The following CLCN4 variants were observed in gnomAD, a reference collection of about 807,000 sequenced individuals.
CLCN4 encodes H(+)/Cl(-) exchange transporter 4.
Under a neutral mutation model 41.7 loss-of-function variants are expected in CLCN4, and 1 was observed. The observed-to-expected ratio is 0.02, with a 90% confidence interval of 0.01 to 0.11. The LOEUF (loss-of-function observed/expected upper bound fraction) is 0.11, where lower values mean the gene tolerates loss of function less well. Ranked by LOEUF, CLCN4 falls within the 10% of genes least tolerant of loss-of-function variation. The pLI is 1.00. For missense variants in CLCN4, 287 were observed against 661.0 expected (o/e 0.43, Z 6.20); for synonymous variants, 277 against 285.8 (o/e 0.97, Z 0.31).
chrX:10,190,201 T>A (rs1179239921), intron 4 of CLCN4, among the ~76,000 whole-genome samples: 1 of 111,320 alleles, frequency 9.0e-6, no homozygotes, highest in African/African-American at 3.3e-5. Context: ...ATTGTATATT[T>A]CAAAATTGCT....
intron 12 of CLCN4, among the ~76,000 whole-genome samples, chrX:10,228,498 A>C (rs5979283): frequency 0.39 from 42,878 of 109,629 alleles, 6,544 homozygotes; most frequent in East Asian, 0.9. Flanking sequence ...CCTGGGCGTG[A>C]TGGGAAGATA....
At position 10,231,473 on chromosome X, in the gene CLCN4, T is replaced by TA. The variant is rs766944215; in HGVS notation, c.2193-2021_2193-2020insA. Among the ~76,000 whole-genome samples, 8 of 111,871 alleles carry TA rather than the reference T, an allele frequency of 7.2e-5. No homozygotes were observed. The South Asian group carries it at 2.7e-3, about 37-fold the overall frequency. On this transcript the variant is annotated intron_variant, in intron 12 of 12. Coordinates refer to ENST00000380833, the MANE Select transcript of CLCN4 (RefSeq NM_001830.4). ...ATTCTTTTGCCTTTTTAGTCTCTTG[T>TA]CTAGAACAGTTTCCTGCCTTGTTGT... is the stretch of plus-strand genomic sequence containing the variant.
At chrX:10,201,782 G>A (rs1924243430) in intron 6 of CLCN4, among the ~76,000 whole-genome samples, 1 of 112,029 alleles carries the variant, frequency 8.9e-6, no homozygotes, top group Non-Finnish European at 1.9e-5. Flanking sequence ...TGATTACTTA[G>A]AGTGAAAAAT....
intron 2 of CLCN4, among the ~76,000 whole-genome samples, chrX:10,167,321 G>A (rs972935214): frequency 8.1e-5 from 9 of 111,617 alleles, no homozygotes; most frequent in African/African-American, 2.9e-4. Flanking sequence ...TCATCCTAAA[G>A]GTGCCCGCAT....
intron 12 of CLCN4, among the ~76,000 whole-genome samples, chrX:10,223,848 G>A (rs945306721): frequency 8.9e-6 from 1 of 112,186 alleles, no homozygotes; most frequent in African/African-American, 3.2e-5. Context: ...GGCCTGGACA[G>A]GATAGCTTTC....
chrX:10,180,785 A>G (rs957859865), intron 2 of CLCN4, among the ~76,000 whole-genome samples: 26 of 105,956 alleles, frequency 2.5e-4, no homozygotes, highest in Non-Finnish European at 1.9e-4. Flanking sequence ...AAAAAAAAAA[A>G]AAAAAAAAAG....
In CLCN4 at chrX:10,201,835, CG is replaced by C. The variant is rs1295586868; in HGVS notation, c.555+3779del. ...TTAAAATGCAAATTTAGGTCAGGTA[CG>C]GGGGCTCATGCCTGTAATCCCAGCT... is the stretch of plus-strand genomic sequence containing the variant. On this transcript the variant is annotated intron_variant, in intron 6 of 12. Coordinates refer to ENST00000380833, the MANE Select transcript of CLCN4 (RefSeq NM_001830.4). Among the ~76,000 whole-genome samples, 3 of 111,656 alleles carry C rather than the reference CG, an allele frequency of 2.7e-5. No individual in the cohort carries two copies. The East Asian group carries it at 8.4e-4, about 31-fold the overall frequency.
intron 8 of CLCN4, among the ~76,000 whole-genome samples, chrX:10,207,372 C>T (rs182463624): frequency 9.8e-5 from 11 of 112,300 alleles, no homozygotes; most frequent in South Asian, 7.4e-4. Context: ...GGTTGGCAAA[C>T]GTTTCTGTAA....
chrX:10,186,315 G>A (rs905607651), intron 3 of CLCN4, among the ~76,000 whole-genome samples: 1 of 111,410 alleles, frequency 9.0e-6, no homozygotes, highest in Admixed American at 9.5e-5. Context: ...CCACGGTGGC[G>A]TGGGTGTGCA....
chrX:10,207,229 T>C (rs769099193), intron 8 of CLCN4, among the ~76,000 whole-genome samples: 3 of 112,501 alleles, frequency 2.7e-5, no homozygotes, highest in Non-Finnish European at 5.6e-5. Context: ...CCACCAGCGA[T>C]AAATTCCTGT....
chrX:10,216,879 A>G (rs187893238), intron 11 of CLCN4, among the ~76,000 whole-genome samples: 583 of 24,178 alleles, frequency 0.024, 37 homozygotes, highest in African/African-American at 0.097. Context: ...TCTGTTGGGG[A>G]TGTGTGTGTG....
In CLCN4 at chrX:10,167,148, T is replaced by G. The variant is rs780057464; in HGVS notation, c.-12+8597T>G. On this transcript the variant is annotated intron_variant, in intron 2 of 12. Transcript: ENST00000380833. ...CACAGTTTCTTTCTGAACATCCTTTTGCTCTGAGCTTCCCCCTGTTTGAAA... is the reference window on the plus strand; with the variant it reads ...CACAGTTTCTTTCTGAACATCCTTTGGCTCTGAGCTTCCCCCTGTTTGAAA... 6.2e-5 allele frequency among the ~76,000 whole-genome samples: 7 copies of G among 112,233 alleles called. No homozygotes were observed. In the South Asian group the frequency reaches 2.6e-3, roughly 41 times the overall value.
At chrX:10,212,749 C>G in intron 10 of CLCN4, 96 bp downstream of exon 10, 1 of 832,356 alleles carries the variant, frequency 1.2e-6, no homozygotes, top group African/African-American at 2.0e-5. Context: ...ATTTTCTTTA[C>G]TCAGGATAGG....
At chrX:10,212,268 G>A (rs1164949477) in intron 9 of CLCN4, among the ~76,000 whole-genome samples, 199 bp from the exon 10 acceptor site, 1 of 111,926 alleles carries the variant, frequency 8.9e-6, no homozygotes, top group Non-Finnish European at 1.9e-5. Context: ...TCCTCTCTAA[G>A]TTGCAGTAGA....
rs181852008 is a variant in CLCN4 at position 10,175,420 on chromosome X, G to C, written c.-11-9602G>C. 2.7e-5 allele frequency among the ~76,000 whole-genome samples: 3 copies of C among 111,702 alleles called. No individual in the cohort carries two copies. The East Asian group carries it at 8.5e-4, about 32-fold the overall frequency. On this transcript the variant is annotated intron_variant, in intron 2 of 12. Coordinates refer to ENST00000380833, the MANE Select transcript of CLCN4 (RefSeq NM_001830.4). ...TGCAGTGAAGCCCCCTCTGAGACTA[G>C]GGGCTCCCAGCACCAAGGAACTGGC...
chrX:10,229,754 A>G (rs775759832), intron 12 of CLCN4, among the ~76,000 whole-genome samples: 1 of 111,913 alleles, frequency 8.9e-6, no homozygotes, highest in East Asian at 2.8e-4. Flanking sequence ...ATAGTATTCC[A>G]TAGTGTATAT....
intron 2 of CLCN4, among the ~76,000 whole-genome samples, chrX:10,175,518 A>G (rs1348958973): frequency 1.5e-4 from 17 of 111,760 alleles, no homozygotes; most frequent in African/African-American, 5.5e-4. Flanking sequence ...CAGCTCGGTA[A>G]AGGCTGCTTG....
In CLCN4 at chrX:10,237,486, C is replaced by T. The variant is rs1202613850; in HGVS notation, c.*3902C>T. ...CCTAGAGGTGCTGGGAATGAGCCTACGTGCGACTTTGATGAGATATATTCA... is the reference window on the plus strand; with the variant it reads ...CCTAGAGGTGCTGGGAATGAGCCTATGTGCGACTTTGATGAGATATATTCA... On this transcript the variant is annotated 3_prime_UTR_variant, in exon 13 of 13. Coordinates refer to ENST00000380833, the MANE Select transcript of CLCN4 (RefSeq NM_001830.4). 2 of 111,510 alleles carry T rather than the reference C, an allele frequency of 1.8e-5. No individual in the cohort carries two copies. The highest frequency in any genetic ancestry group is 3.8e-5 in the Non-Finnish European group (2 of 53,174). The allele number at this position is 111,510 out of a possible 1,213,427, so 9.2% of individuals were successfully genotyped here.
chrX:10,217,313 A>G (rs1924751407), intron 11 of CLCN4, among the ~76,000 whole-genome samples: 1 of 110,887 alleles, frequency 9.0e-6, no homozygotes, highest in South Asian at 3.8e-4. Context: ...CCCTAAAAAC[A>G]CAGTTCAAGT....
Sources: allele counts gnomAD v4.1 joint callset (sites outside exome capture counted in the v4.1 genomes callset), GRCh38; gene constraint gnomAD v4.1.1; transcripts MANE v1.5; gene names NCBI Gene and HGNC (gene_info 2026-07-23, HGNC 2026-07-21).